Variants in DACH1 observed in about 807,000 individuals in gnomAD.
DACH1 encodes dachshund family transcription factor 1, also known as dachshund homolog 1.
DACH1 carries 12 observed loss-of-function variants against 54.2 expected under a neutral mutation model. The ratio of observed to expected loss-of-function variants is 0.22; its 90% confidence interval spans 0.14 to 0.36. The LOEUF is 0.36. DACH1 is among the 10% of genes least tolerant of loss of function. The probability of loss-of-function intolerance (pLI) is 1.00; values close to 1 mark genes in which losing one functional copy is unlikely to be tolerated. For missense variants in DACH1, 805 were observed against 929.8 expected (o/e 0.87, Z 1.75); for synonymous variants, 386 against 366.2 (o/e 1.05, Z -0.62).
At chr13:71,592,427 C>T (rs1013924528) in intron 3 of DACH1, among the ~76,000 whole-genome samples, 5 of 132,110 alleles carry the variant, frequency 3.8e-5, no homozygotes, top group Admixed American at 2.7e-4. Context: ...CCCAGGAGGT[C>T]GAGGTTGCAT....
intron 6 of DACH1, among the ~76,000 whole-genome samples, chr13:71,498,840 C>G (rs186564103): frequency 2.0e-4 from 30 of 152,132 alleles, no homozygotes; most frequent in African/African-American, 6.3e-4. Context: ...TATTATTATG[C>G]TCAAAAAAGA....
Position 71,780,625 on chromosome 13 carries a change from G to A in DACH1, c.848+85297C>T, listed in dbSNP as rs188051718. ...TACGCCACTGCATTGTAGTCTGGGCGACAGAGAGAGACTTCATCTCAAAAA... is the reference window on the plus strand; with the variant it reads ...TACGCCACTGCATTGTAGTCTGGGCAACAGAGAGAGACTTCATCTCAAAAA... On this transcript the variant is annotated intron_variant, in intron 1 of 10. Coordinates refer to ENST00000613252, the MANE Select transcript of DACH1 (RefSeq NM_080759.6). Among the ~76,000 whole-genome samples the A allele has an allele frequency of 7.8e-3, 1,165 of 149,622 alleles. 11 individuals carry two copies. Among genetic ancestry groups the A allele is most frequent in the Middle Eastern group, 0.017 (5 of 288 alleles).
intron 3 of DACH1, among the ~76,000 whole-genome samples, chr13:71,596,944 T>C (rs1418501846): frequency 6.6e-6 from 1 of 152,194 alleles, no homozygotes; most frequent in Non-Finnish European, 1.5e-5. Context: ...CTAAGATGAC[T>C]CAGGTGGCCA....
intron 1 of DACH1, among the ~76,000 whole-genome samples, chr13:71,697,724 T>C (rs552623068): frequency 5.0e-4 from 76 of 152,318 alleles, no homozygotes; most frequent in Middle Eastern, 3.4e-3. Flanking sequence ...ACCTTTAAAC[T>C]ATAATAGCAC....
chr13:71,656,560 C>T (rs982593807), intron 2 of DACH1, among the ~76,000 whole-genome samples: 2 of 151,900 alleles, frequency 1.3e-5, no homozygotes, highest in African/African-American at 4.8e-5. Context: ...CCTTCTCTAA[C>T]CATGCTTGTT....
At chr13:71,731,693 C>T (rs190912977) in intron 1 of DACH1, among the ~76,000 whole-genome samples, 1 of 152,216 alleles carries the variant, frequency 6.6e-6, no homozygotes, top group East Asian at 1.9e-4. Context: ...GTCAGAATTG[C>T]TTGAGGTTAA....
chr13:71,673,503 A>G (rs1329980218), intron 2 of DACH1, among the ~76,000 whole-genome samples: 1 of 152,112 alleles, frequency 6.6e-6, no homozygotes, highest in African/African-American at 2.4e-5. Context: ...ATTATATAAT[A>G]TAGTACAAAT....
chr13:71,841,854 G>A (rs1043561839), intron 1 of DACH1, among the ~76,000 whole-genome samples: 1 of 152,042 alleles, frequency 6.6e-6, no homozygotes, highest in African/African-American at 2.4e-5. Flanking sequence ...ATGACAAAAG[G>A]CATTTATTGA....
rs57147741 is a variant in DACH1 at position 71,694,818 on chromosome 13, C to T, written c.849-12908G>A. ...GCCTTAAAAGCGTTGTTTAAACTGG[C>T]TAAAGCATAATAGCTCACATTTAGA... On this transcript the variant is annotated intron_variant, in intron 1 of 10. Coordinates refer to ENST00000613252, the MANE Select transcript of DACH1 (RefSeq NM_080759.6). 4.8e-4 allele frequency among the ~76,000 whole-genome samples: 73 copies of T among 152,190 alleles called. 1 individual carries two copies. In the East Asian group the frequency reaches 0.013, roughly 27 times the overall value.
At chr13:71,656,766 AGTTTT>A (rs1566410808) in intron 2 of DACH1, among the ~76,000 whole-genome samples, 1 of 150,400 alleles carries the variant, frequency 6.6e-6, no homozygotes, top group African/African-American at 2.4e-5. Context: ...AAAGAAGATG[AGTTTT>A]CAAGTCAGAA....
At chr13:71,665,464 A>G (rs1879771012) in intron 2 of DACH1, among the ~76,000 whole-genome samples, 1 of 152,036 alleles carries the variant, frequency 6.6e-6, no homozygotes, top group African/African-American at 2.4e-5. Context: ...TCAAAATGAA[A>G]CTATTTTAAA....
At chr13:71,756,135 A>G (rs1261256415) in intron 1 of DACH1, among the ~76,000 whole-genome samples, 1 of 152,004 alleles carries the variant, frequency 6.6e-6, no homozygotes, top group Non-Finnish European at 1.5e-5. Flanking sequence ...GTTTCGAGCA[A>G]TTCTCCTGCC....
intron 8 of DACH1, among the ~76,000 whole-genome samples, chr13:71,476,101 G>A (rs1877499424): frequency 6.6e-6 from 1 of 152,204 alleles, no homozygotes; most frequent in Non-Finnish European, 1.5e-5. Flanking sequence ...CATATGTAAA[G>A]ATAAATTTAA....
At chr13:71,670,222 G>C (rs1450769756) in intron 2 of DACH1, among the ~76,000 whole-genome samples, 1 of 151,940 alleles carries the variant, frequency 6.6e-6, no homozygotes, top group African/African-American at 2.4e-5. Context: ...GTGCAAAAAC[G>C]TTTGCGTAAT....
At chr13:71,848,761 G>A (rs1873465850) in intron 1 of DACH1, among the ~76,000 whole-genome samples, 1 of 152,140 alleles carries the variant, frequency 6.6e-6, no homozygotes, top group Non-Finnish European at 1.5e-5. Context: ...CCATGCTCAA[G>A]TGATCCTCCC....
chr13:71,595,553 A>G (rs1173277718), intron 3 of DACH1, among the ~76,000 whole-genome samples: 1 of 152,158 alleles, frequency 6.6e-6, no homozygotes, highest in Non-Finnish European at 1.5e-5. Context: ...AGAGGGAAGA[A>G]TCAGAGATGG....
chr13:71,459,650 C>T (rs948714436), intron 10 of DACH1, among the ~76,000 whole-genome samples: 14 of 151,302 alleles, frequency 9.3e-5, no homozygotes, highest in African/African-American at 2.4e-4. Context: ...GAAATTAAGC[C>T]CAAAGAAGAA....
At chr13:71,645,954 C>A (rs1878234233) in intron 2 of DACH1, among the ~76,000 whole-genome samples, 1 of 152,162 alleles carries the variant, frequency 6.6e-6, no homozygotes, top group African/African-American at 2.4e-5. Flanking sequence ...AACTGAGATA[C>A]TGAACTCTGT....
In DACH1 at chr13:71,630,628, T is replaced by C. The variant is rs569356890; in HGVS notation, c.1054A>G (p.Met352Val). 2.3e-4 allele frequency: 364 copies of C among 1,612,214 alleles called. 3 individuals are homozygous for C. In the South Asian group the frequency reaches 3.8e-3, roughly 17 times the overall value. The change falls in exon 3 of 11, where the codon ATG becomes GTG. Residue 352 changes from methionine to valine, a missense_variant. By Grantham distance (21) the Met-to-Val change is conservative. Transcript: ENST00000613252. ...MKVKKIKLEAMSNYHASNNQH... is the reference protein window; with the variant it reads ...MKVKKIKLEAVSNYHASNNQH... The stretch of plus-strand genomic sequence containing the variant: ...TTATTACTGGCATGATAGTTGCTCA[T>C]GGCTTCTAATTTGATTTTTTTCACC...
Sources: gnomAD v4.1 joint callset for allele counts (sites outside exome capture counted in the v4.1 genomes callset) on GRCh38, gnomAD v4.1.1 for gene constraint, MANE v1.5 for transcripts, NCBI Gene and HGNC (gene_info 2026-07-23, HGNC 2026-07-21) for gene names.